Variants in FGF14 observed in about 807,000 individuals in gnomAD.
FGF14 encodes the protein fibroblast growth factor homologous factor 4.
In FGF14, 5 loss-of-function variants were observed where a neutral mutation model predicts 25.5. That is an observed-to-expected ratio of 0.20 (90% CI 0.10 to 0.41). The LOEUF (loss-of-function observed/expected upper bound fraction) is 0.41, where lower values mean the gene tolerates loss of function less well. Ranked by LOEUF, FGF14 falls within the 10% of genes least tolerant of loss-of-function variation. FGF14 has a pLI of 1.00. For missense variants in FGF14, 222 were observed against 320.1 expected, an observed-to-expected ratio of 0.69 and a Z score of 2.34; for synonymous variants, 138 against 118.3, an observed-to-expected ratio of 1.17 and a Z score of -1.08.
rs144313714 is a variant in FGF14, at chr13:102,360,747, A to G, written c.208+40724T>C. 2.2e-3 allele frequency among the ~76,000 whole-genome samples: 338 copies of G among 152,294 alleles called. 1 individual carries two copies. The highest frequency in any genetic ancestry group is 7.7e-3 in the African/African-American group (321 of 41,556). Reference sequence around the variant, plus strand: ...AGTCAACCATTCACACCTGTCTGAGAACACTTCTTAGATGGACTTTTACCC... The same window carrying G: ...AGTCAACCATTCACACCTGTCTGAGGACACTTCTTAGATGGACTTTTACCC... On this transcript the variant is annotated intron_variant, in intron 1 of 4. Coordinates refer to the FGF14 transcript ENST00000376131.
chr13:102,212,469 C>T (rs2050202137), intron 1 of FGF14, among the ~76,000 whole-genome samples: 3 of 152,194 alleles, frequency 2.0e-5, no homozygotes, highest in Admixed American at 6.5e-5. Context: ...ACAGTGCTCC[C>T]TGGGCAGCCC....
At chr13:102,320,859 T>C (rs2056217488) in intron 1 of FGF14, among the ~76,000 whole-genome samples, 1 of 152,170 alleles carries the variant, frequency 6.6e-6, no homozygotes, top group Non-Finnish European at 1.5e-5. Context: ...CAATACCTCA[T>C]TTCCTATTTC....
intron 1 of FGF14, among the ~76,000 whole-genome samples, chr13:102,098,201 A>G (rs2044495896): frequency 6.6e-6 from 1 of 152,222 alleles, no homozygotes; most frequent in Non-Finnish European, 1.5e-5. Context: ...TTTCCTTTCT[A>G]CCTCCAGCAC....
chr13:102,292,419 G>T (rs1451300679), intron 1 of FGF14: 1 of 151,658 alleles, frequency 6.6e-6, no homozygotes, highest in Non-Finnish European at 1.5e-5. Context: ...GAAAGAGTAA[G>T]ATCAGTATCT....
intron 3 of FGF14, among the ~76,000 whole-genome samples, chr13:101,810,905 T>G (rs181669852): frequency 6.6e-6 from 1 of 152,158 alleles, no homozygotes; most frequent in Admixed American, 6.5e-5. Flanking sequence ...TGACACTTAA[T>G]CTTTACTGGT....
At chr13:101,994,897 A>G (rs1045723738) in intron 1 of FGF14, among the ~76,000 whole-genome samples, 1 of 152,092 alleles carries the variant, frequency 6.6e-6, no homozygotes, top group African/African-American at 2.4e-5. Flanking sequence ...TTGTTATGTA[A>G]TTAGGCGTTA....
intron 3 of FGF14, among the ~76,000 whole-genome samples, chr13:101,770,428 A>C (rs547713387): frequency 1.6e-4 from 24 of 152,286 alleles, no homozygotes; most frequent in African/African-American, 5.1e-4. Flanking sequence ...ACATTTGGAT[A>C]ATGAATGACA....
At chr13:101,879,608 A>G (rs550733981) in intron 1 of FGF14, among the ~76,000 whole-genome samples, 1 of 152,306 alleles carries the variant, frequency 6.6e-6, no homozygotes, top group African/African-American at 2.4e-5. Flanking sequence ...TTAAATGGAA[A>G]AATGTACACT....
At chr13:102,161,586 G>A (rs1470570775) in intron 1 of FGF14, among the ~76,000 whole-genome samples, 1 of 2,222 alleles carries the variant, frequency 4.5e-4, no homozygotes, top group Non-Finnish European at 6.8e-4. Flanking sequence ...AGAAGAAGAA[G>A]AAGAAGAAGA....
At chr13:102,095,997 GTGTGTA>G (rs914684446) in intron 1 of FGF14, among the ~76,000 whole-genome samples, 8 of 95,894 alleles carry the variant, frequency 8.3e-5, no homozygotes, top group African/African-American at 2.2e-4. Flanking sequence ...GTGTGTGTGT[GTGTGTA>G]TATATATATA....
intron 1 of FGF14, among the ~76,000 whole-genome samples, chr13:102,296,189 C>T (rs1445650565): frequency 6.6e-6 from 1 of 152,084 alleles, no homozygotes; most frequent in Admixed American, 6.6e-5. Context: ...CTCCCAGGCC[C>T]ACAAAGAAAA....
At chr13:101,767,255 A>G (rs1036686083) in intron 3 of FGF14, among the ~76,000 whole-genome samples, 1 of 152,194 alleles carries the variant, frequency 6.6e-6, no homozygotes, top group Non-Finnish European at 1.5e-5. Context: ...GTTTGTCACC[A>G]TCGCTGCCTT....
rs981360720 is a variant in FGF14, at chr13:101,720,848, T to C, written c.*1983A>G. On this transcript the variant is annotated 3_prime_UTR_variant, in exon 5 of 5. Transcript: ENST00000376143. ...TTAGCATCATTGGCAATAAATCTACTCAAACGTTCTGCTAACTTTTTATTT... is the reference window on the plus strand; with the variant it reads ...TTAGCATCATTGGCAATAAATCTACCCAAACGTTCTGCTAACTTTTTATTT... 1 of 152,154 alleles carries C rather than the reference T, an allele frequency of 6.6e-6. No individual in the cohort carries two copies. The highest frequency in any genetic ancestry group is 6.6e-5 in the Admixed American group (1 of 15,264). The allele number at this position is 152,154 out of a possible 1,614,324, so 9.4% of individuals were successfully genotyped here.
At chr13:102,247,439 G>C (rs2051933856) in intron 1 of FGF14, among the ~76,000 whole-genome samples, 1 of 151,684 alleles carries the variant, frequency 6.6e-6, no homozygotes, top group Non-Finnish European at 1.5e-5. Context: ...ACATGAACAG[G>C]CACTTTTCTA....
At chr13:102,320,263 CA>C (rs11312864) in intron 1 of FGF14, among the ~76,000 whole-genome samples, 20,272 of 133,562 alleles carry the variant, frequency 0.15, 1,626 homozygotes, top group Middle Eastern at 0.24. Flanking sequence ...TTGAAAACTC[CA>C]AAAAAAAAAA....
At chr13:101,967,138 C>T (rs1055387269) in intron 1 of FGF14, among the ~76,000 whole-genome samples, 1 of 152,200 alleles carries the variant, frequency 6.6e-6, no homozygotes, top group Admixed American at 6.5e-5. Context: ...TGCTTTTGGG[C>T]TTCCTGCATC....
Position 102,380,716 on chromosome 13 carries a change from C to T in FGF14, c.208+20755G>A, listed in dbSNP as rs139281682. 3.1e-3 allele frequency among the ~76,000 whole-genome samples: 475 copies of T among 152,276 alleles called. 5 individuals carry two copies. The highest frequency in any genetic ancestry group is 0.011 in the African/African-American group (465 of 41,568). ...TAAATACAAGAAGTGTAATTTACATCTCACAGTGAATCCTGACTTTCATTA... is the reference window on the plus strand; with the variant it reads ...TAAATACAAGAAGTGTAATTTACATTTCACAGTGAATCCTGACTTTCATTA... On this transcript the variant is annotated intron_variant, in intron 1 of 4. Transcript: ENST00000376131.
rs145833268 is a variant in FGF14, at chr13:101,756,072, C to T, written c.409-29262G>A. ...CAGATACTATTTTAGTACGAGAGCA[C>T]AGCAGGCTGAATTTTCTTGGAAGAA... On this transcript the variant is annotated intron_variant, in intron 3 of 4. Transcript: ENST00000376143. Among the ~76,000 whole-genome samples, 251 of 152,264 alleles carry T rather than the reference C, an allele frequency of 1.6e-3. 3 individuals are homozygous for T. The East Asian group carries it at 0.022, about 13-fold the overall frequency.
Position 101,891,687 on chromosome 13 carries a change from T to TAC in FGF14, c.194-16393_194-16392dup, listed in dbSNP as rs564933562. 2.8e-3 allele frequency among the ~76,000 whole-genome samples: 419 copies of TAC among 152,154 alleles called. 3 individuals carry two copies. Among genetic ancestry groups the TAC allele is most frequent in the Middle Eastern group, 0.01 (3 of 294 alleles). On this transcript the variant is annotated intron_variant, in intron 1 of 4. Transcript: ENST00000376143. Reference sequence around the variant, plus strand: ...ATCTATATATGTATTTCTATATATATACATACATACATATACAAATATACA... The same window carrying TAC: ...ATCTATATATGTATTTCTATATATATACACATACATACATATACAAATATACA...
Sources: allele counts gnomAD v4.1 joint callset (sites outside exome capture counted in the v4.1 genomes callset), GRCh38; gene constraint gnomAD v4.1.1; transcripts MANE v1.5; gene names NCBI Gene and HGNC (gene_info 2026-07-23, HGNC 2026-07-21).